The following DNM1L variants were observed in gnomAD, a reference collection of about 807,000 sequenced individuals.
DNM1L encodes dynamin 1L.
In DNM1L, 33 loss-of-function variants were observed where a neutral mutation model predicts 92.8. The ratio of observed to expected loss-of-function variants is 0.36; its 90% CI spans 0.27 to 0.48. The LOEUF (loss-of-function observed/expected upper bound fraction) is 0.48. DNM1L is among the 20% of genes least tolerant of loss of function. The probability of loss-of-function intolerance (pLI) is 0.99; values close to 1 mark genes in which losing one functional copy is unlikely to be tolerated. For synonymous variants in DNM1L, 284 were observed against 305.0 expected (o/e 0.93, Z 0.72); for missense variants, 485 against 888.8 (o/e 0.55, Z 5.78).
intron 6 of DNM1L, among the ~76,000 whole-genome samples, chr12:32,715,605 G>T (rs977328045): frequency 6.6e-6 from 1 of 152,002 alleles, no homozygotes. Context: ...GGTGGTGCAT[G>T]CCTGTAGTCC....
At chr12:32,725,876 A>T (rs1379673523) in intron 9 of DNM1L, among the ~76,000 whole-genome samples, 1 of 148,554 alleles carries the variant, frequency 6.7e-6, no homozygotes, top group East Asian at 2.0e-4. Context: ...AAGTGCTAGG[A>T]TTGCAGGCGT....
intron 6 of DNM1L, among the ~76,000 whole-genome samples, chr12:32,714,374 G>A (rs1953267600): frequency 6.7e-6 from 1 of 150,076 alleles, no homozygotes; most frequent in Non-Finnish European, 1.5e-5. Flanking sequence ...CCGGGTTCAC[G>A]CCATTCTCCT....
At chr12:32,691,348 C>T (rs2137250000) in intron 1 of DNM1L, among the ~76,000 whole-genome samples, 1 of 152,262 alleles carries the variant, frequency 6.6e-6, no homozygotes, top group South Asian at 2.1e-4. Context: ...AAGCGATTCT[C>T]CTGCCTCAGC....
chr12:32,687,484 C>G (rs1356721126), intron 1 of DNM1L, among the ~76,000 whole-genome samples: 1 of 152,142 alleles, frequency 6.6e-6, no homozygotes, highest in Admixed American at 6.5e-5. Flanking sequence ...ACTCTGTCAC[C>G]CAGGCTGGAG....
At chr12:32,693,066 G>A (rs1244541818) in intron 1 of DNM1L, among the ~76,000 whole-genome samples, 3 of 152,172 alleles carry the variant, frequency 2.0e-5, no homozygotes, top group Non-Finnish European at 2.9e-5. Context: ...ATCAAGGAGT[G>A]GAATTGCCAG....
chr12:32,698,338 T>C (rs796476036), intron 1 of DNM1L, among the ~76,000 whole-genome samples: 3 of 152,278 alleles, frequency 2.0e-5, no homozygotes, highest in African/African-American at 7.2e-5. Flanking sequence ...GTCCCGGTCT[T>C]GATTCCCCCA....
At chr12:32,735,567 A>G (rs1388936705) in intron 13 of DNM1L, among the ~76,000 whole-genome samples, 1 of 152,082 alleles carries the variant, frequency 6.6e-6, no homozygotes, top group Non-Finnish European at 1.5e-5. Flanking sequence ...ATTTCTGTCA[A>G]AAAAAATTAT....
In DNM1L at chr12:32,679,326, G is replaced by A. The variant is rs770521657; in HGVS notation, c.-38G>A. ...GTGGGCCCCGGCCCCATTCATTGCC[G>A]TGGCCGGCGGGCACTGGGGCCCCGT... On this transcript the variant is annotated 5_prime_UTR_variant, in exon 1 of 20. The change creates a new upstream start codon in the 5' untranslated region. Coordinates refer to ENST00000549701, the MANE Select transcript of DNM1L (RefSeq NM_012062.5). 10 of 1,440,340 alleles carry A rather than the reference G, an allele frequency of 6.9e-6. No individual in the cohort carries two copies. Among genetic ancestry groups the A allele is most frequent in the Non-Finnish European group, 8.8e-6 (9 of 1,026,276 alleles). The allele number at this position is 1,440,340 out of a possible 1,614,324, so 89.2% of individuals were successfully genotyped here.
chr12:32,684,724 T>C (rs1427353722), intron 1 of DNM1L, among the ~76,000 whole-genome samples: 2 of 151,752 alleles, frequency 1.3e-5, no homozygotes, highest in African/African-American at 4.8e-5. Context: ...CTGCCTCAGC[T>C]TCCCAAAGTG....
chr12:32,711,964 A>G (rs780788967), intron 5 of DNM1L, among the ~76,000 whole-genome samples: 1 of 152,112 alleles, frequency 6.6e-6, no homozygotes, highest in African/African-American at 2.4e-5. Context: ...AATTTATCCC[A>G]CATTCCACTT....
intron 1 of DNM1L, among the ~76,000 whole-genome samples, chr12:32,693,174 T>C (rs980150712): frequency 6.6e-6 from 1 of 152,220 alleles, no homozygotes; most frequent in African/African-American, 2.4e-5. Context: ...ATCTGTACTT[T>C]CTATAGTCAC....
At chr12:32,741,388 C>T (rs1418378713) in intron 18 of DNM1L, among the ~76,000 whole-genome samples, 3 of 152,162 alleles carry the variant, frequency 2.0e-5, no homozygotes, top group African/African-American at 4.8e-5. Flanking sequence ...TGGGTTCAAG[C>T]GATTCTCCTG....
chr12:32,697,492 G>A (rs1421188870), intron 1 of DNM1L, among the ~76,000 whole-genome samples: 1 of 152,174 alleles, frequency 6.6e-6, no homozygotes. Context: ...TAATGTTCGT[G>A]GTGGTAGTAT....
intron 8 of DNM1L, 30 bp downstream of exon 8, chr12:32,720,825 G>A (rs546544705): frequency 1.9e-5 from 31 of 1,610,908 alleles, no homozygotes; most frequent in Non-Finnish European, 2.5e-5. Context: ...GAAATGAGAT[G>A]TGTTTGTTTT....
In DNM1L at chr12:32,731,959, A is replaced by G; in HGVS notation, c.1446+16A>G. ...AAATGAAATGGTGAGCTACTATAGC[A>G]TAGATCATTGTAATTACTATTAGTA... On this transcript the variant is annotated intron_variant, in intron 12 of 19. Transcript: ENST00000549701. This position sits in a 1 kb window ranked among gnomAD's most constrained non-coding sequence, Gnocchi z 5.1. 6.3e-7 allele frequency: 1 copy of G among 1,589,960 alleles called. No homozygotes were observed.
intron 1 of DNM1L, among the ~76,000 whole-genome samples, chr12:32,691,318 A>G (rs1168233320): frequency 6.6e-6 from 1 of 151,962 alleles, no homozygotes; most frequent in African/African-American, 2.4e-5. Flanking sequence ...GGCTCACTGT[A>G]ACCTCTGCCT....
At chr12:32,740,875 A>C (rs954552055) in intron 18 of DNM1L, among the ~76,000 whole-genome samples, 9 of 152,224 alleles carry the variant, frequency 5.9e-5, no homozygotes, top group African/African-American at 2.2e-4. Flanking sequence ...GGTTTTCCAA[A>C]GTATCAAAAC....
At chr12:32,742,337 C>T (rs1352884800) in intron 18 of DNM1L, among the ~76,000 whole-genome samples, 1 of 152,210 alleles carries the variant, frequency 6.6e-6, no homozygotes, top group Non-Finnish European at 1.5e-5. Flanking sequence ...CTCCTGGCCT[C>T]AAGCAGTCCA....
intron 1 of DNM1L, among the ~76,000 whole-genome samples, chr12:32,695,452 T>A (rs1952404754): frequency 6.6e-6 from 1 of 152,080 alleles, no homozygotes; most frequent in Admixed American, 6.6e-5. Context: ...AATTAAAAAA[T>A]TAAGTGATAG....
Sources: allele counts gnomAD v4.1 joint callset (sites outside exome capture counted in the v4.1 genomes callset), GRCh38; gene constraint gnomAD v4.1.1; non-coding constraint Gnocchi (gnomAD v3.1); transcripts MANE v1.5; gene names NCBI Gene and HGNC (gene_info 2026-07-23, HGNC 2026-07-21).